The following CRTAM variants were observed in gnomAD, a reference collection of about 807,000 sequenced individuals.
The protein encoded by CRTAM is cytotoxic and regulatory T-cell molecule.
CRTAM carries 44 observed loss-of-function variants against 50.0 expected under a neutral mutation model. That is an observed-to-expected ratio of 0.88 (90% confidence interval 0.69 to 1.13). The LOEUF (loss-of-function observed/expected upper bound fraction) is 1.13, where lower values mean the gene tolerates loss of function less well. Ranked by LOEUF, CRTAM falls within the 50% of genes most tolerant of loss-of-function variation. The pLI is 0.00. For synonymous variants in CRTAM, 159 were observed against 169.3 expected (o/e 0.94, Z 0.47); for missense variants, 448 against 457.5 (o/e 0.98, Z 0.19).
intron 2 of CRTAM, 28 bp downstream of exon 2, chr11:122,850,242 C>A (rs556692397): frequency 9.5e-6 from 15 of 1,571,324 alleles, no homozygotes; most frequent in Admixed American, 1.8e-5. Flanking sequence ...AGAAAAAATG[C>A]CACCAGACCT....
At chr11:122,868,583 C>T (rs186348287) in intron 9 of CRTAM, among the ~76,000 whole-genome samples, 77 of 152,326 alleles carry the variant, frequency 5.1e-4, no homozygotes, top group African/African-American at 1.9e-3. Flanking sequence ...TCCACTCAGA[C>T]TCACACACTA....
intron 5 of CRTAM, among the ~76,000 whole-genome samples, chr11:122,858,357 C>G (rs564542837): frequency 1.3e-5 from 2 of 152,160 alleles, no homozygotes; most frequent in Admixed American, 6.5e-5. Flanking sequence ...TCCGGGGTGG[C>G]TGGGAGCACA....
intron 5 of CRTAM, among the ~76,000 whole-genome samples, chr11:122,856,521 G>A (rs1035100450): frequency 4.6e-5 from 7 of 152,246 alleles, no homozygotes; most frequent in Non-Finnish European, 7.3e-5. Context: ...AGTCCTGTAA[G>A]AAGTCTGCAA....
chr11:122,861,015 T>G lies in CRTAM; in HGVS notation c.653-1449T>G, dbSNP rs1235694252. On this transcript the variant is annotated intron_variant, in intron 5 of 9. Coordinates refer to ENST00000227348, the MANE Select transcript of CRTAM (RefSeq NM_019604.4). ...CCCGGCCCCATATTCTTCTTAAAAT[T>G]TATTCCCAGTACTTCTATTTGACTA... Among the ~76,000 whole-genome samples, 3 of 152,128 alleles carry G rather than the reference T, an allele frequency of 2.0e-5. No homozygotes were observed. In the East Asian group the frequency reaches 5.8e-4, roughly 29 times the overall value.
intron 1 of CRTAM, among the ~76,000 whole-genome samples, chr11:122,843,685 G>A (rs1382303284): frequency 1.3e-5 from 2 of 152,114 alleles, no homozygotes; most frequent in African/African-American, 4.8e-5. Flanking sequence ...TGACAACAAA[G>A]GTGAAAGTCT....
intron 5 of CRTAM, chr11:122,862,204 G>T: frequency 4.0e-6 from 2 of 500,338 alleles, no homozygotes; most frequent in Admixed American, 3.3e-5. Flanking sequence ...TAGAAACAGT[G>T]AATACTCTTT....
At chr11:122,868,383 C>G (rs1862209751) in intron 9 of CRTAM, among the ~76,000 whole-genome samples, 1 of 151,976 alleles carries the variant, frequency 6.6e-6, no homozygotes, top group South Asian at 2.1e-4. Context: ...CAGGGGACCG[C>G]CAGCGTTAAG....
chr11:122,869,472 G>A (rs907131103), intron 9 of CRTAM, among the ~76,000 whole-genome samples: 1 of 152,184 alleles, frequency 6.6e-6, no homozygotes, highest in African/African-American at 2.4e-5. Context: ...GACAAAATAT[G>A]TAAAGAAAAT....
At chr11:122,854,393 C>A (rs149509715) in intron 4 of CRTAM, among the ~76,000 whole-genome samples, 1 of 152,084 alleles carries the variant, frequency 6.6e-6, no homozygotes, top group Non-Finnish European at 1.5e-5. Flanking sequence ...ATATCTCAGG[C>A]GAGGCACAAT....
intron 8 of CRTAM, 96 bp downstream of exon 8, chr11:122,867,651 CT>C: frequency 8.2e-7 from 1 of 1,212,722 alleles, no homozygotes; most frequent in South Asian, 1.5e-5. Context: ...CTGTCAGACA[CT>C]ACATAATCTA....
chr11:122,861,972 C>T (rs1862089878), intron 5 of CRTAM, among the ~76,000 whole-genome samples: 2 of 152,114 alleles, frequency 1.3e-5, no homozygotes, highest in South Asian at 4.1e-4. Flanking sequence ...TCTCACAAAA[C>T]ACTCGAAGAG....
intron 4 of CRTAM, 117 bp from the exon 5 acceptor site, chr11:122,855,578 G>A: frequency 1.2e-6 from 1 of 816,936 alleles, no homozygotes; most frequent in Non-Finnish European, 1.9e-6. Context: ...ACTGGCTGAG[G>A]TTAGAATGAG....
chr11:122,854,393 C>T lies in CRTAM; in HGVS notation c.490+307C>T, dbSNP rs149509715. On this transcript the variant is annotated intron_variant, in intron 4 of 9. Coordinates refer to ENST00000227348, the MANE Select transcript of CRTAM (RefSeq NM_019604.4). ...TAATACAGAAGTATAATATCTCAGG[C>T]GAGGCACAATGGCTCATGCCTGTAC... 8.0e-4 allele frequency among the ~76,000 whole-genome samples: 122 copies of T among 152,200 alleles called. No homozygotes were observed. In the East Asian group the frequency reaches 0.021, roughly 27 times the overall value.
intron 1 of CRTAM, among the ~76,000 whole-genome samples, chr11:122,845,795 T>A (rs1274102819): frequency 6.6e-6 from 1 of 152,172 alleles, no homozygotes; most frequent in Non-Finnish European, 1.5e-5. Flanking sequence ...ATCATTTTGT[T>A]TATGCATTTT....
In CRTAM at chr11:122,868,073, C is replaced by T. The variant is rs1862202792; in HGVS notation, c.1025C>T (p.Thr342Ile). ...SYRSRSNNEE[T>I]SSEEKNGQSS... ...AGATCAAGGTCAAATAATGAAGAAA[C>T]ATCATCTGAAGAGAAAAATGGCCAA... The change falls in exon 9 of 10, where the codon ACA becomes ATA. Residue 342 changes from threonine (T) to isoleucine (I), a missense_variant. Transcript: ENST00000227348. 1 of 1,612,346 alleles carries T rather than the reference C, an allele frequency of 6.2e-7. No homozygotes were observed. The highest frequency in any genetic ancestry group is 1.3e-5 in the African/African-American group (1 of 74,834).
rs1203033505 is a variant in CRTAM at position 122,862,228 on chromosome 11, A to G, written c.653-236A>G. Reference sequence around the variant, plus strand: ...TGAATACTCTTTGCCTACCACTGCCACCACACAGAGGTCCAGCATGCTGTG... The same window carrying G: ...TGAATACTCTTTGCCTACCACTGCCGCCACACAGAGGTCCAGCATGCTGTG... On this transcript the variant is annotated intron_variant, in intron 5 of 9. Coordinates refer to ENST00000227348, the MANE Select transcript of CRTAM (RefSeq NM_019604.4). 4 of 535,406 alleles carry G rather than the reference A, an allele frequency of 7.5e-6. No homozygotes were observed. The East Asian group carries it at 1.2e-4, about 15-fold the overall frequency. 33.2% of individuals were successfully genotyped at this position (535,406 alleles called of 1,614,324 possible).
At chr11:122,851,647 C>T (rs1861931019) in intron 2 of CRTAM, 46 bp from the exon 3 acceptor site, 1 of 1,592,634 alleles carries the variant, frequency 6.3e-7, no homozygotes, top group African/African-American at 1.3e-5. Flanking sequence ...GCCAACGATT[C>T]ATCGGATATC....
At position 122,868,093 on chromosome 11, in the gene CRTAM, G is replaced by T. The variant is rs1862203150; in HGVS notation, c.1045G>T (p.Gly349Cys). The change falls in exon 9 of 10, where the codon GGC becomes TGC. Residue 349 changes from glycine (G) to cysteine (C), a missense_variant. Physicochemically the swap from Gly to Cys is radical, Grantham distance 159 (BLOSUM62 -3). Transcript: ENST00000227348. ...NEETSSEEKN[G>C]QSSHPMRCMN... The stretch of plus-strand genomic sequence containing the variant: ...AGAAACATCATCTGAAGAGAAAAAT[G>T]GCCAATGTAAGTCAACTGTATGACC... 2 of 1,602,496 alleles carry T rather than the reference G, an allele frequency of 1.2e-6. No individual in the cohort carries two copies. Among genetic ancestry groups the T allele is most frequent in the Non-Finnish European group, 1.7e-6 (2 of 1,169,804 alleles).
At chr11:122,866,201 C>A (rs947877385) in intron 7 of CRTAM, among the ~76,000 whole-genome samples, 4 of 152,046 alleles carry the variant, frequency 2.6e-5, no homozygotes, top group Non-Finnish European at 4.4e-5. Context: ...AAACATCAAC[C>A]CTTTTCAATC....
Sources: gnomAD v4.1 joint callset for allele counts (sites outside exome capture counted in the v4.1 genomes callset) on GRCh38, gnomAD v4.1.1 for gene constraint, MANE v1.5 for transcripts, NCBI Gene and HGNC (gene_info 2026-07-23, HGNC 2026-07-21) for gene names.